The following STIM2 variants were observed in gnomAD, a reference collection of about 807,000 sequenced individuals.
STIM2 encodes the protein stromal interaction molecule 2.
A neutral mutation model predicts 85.8 loss-of-function variants in STIM2; 31 were observed. The ratio of observed to expected loss-of-function variants is 0.36; its 90% CI spans 0.27 to 0.49. The LOEUF is 0.49. Among genes scored for constraint, STIM2 ranks in the 20% least tolerant of loss-of-function variants. The pLI, the probability that STIM2 is intolerant of heterozygous loss-of-function variation, is 0.98. For missense variants in STIM2, 841 were observed against 927.6 expected, an observed-to-expected ratio of 0.91 and a Z score of 1.21; for synonymous variants, 356 against 331.1, an observed-to-expected ratio of 1.08 and a Z score of -0.82.
chr4:26,874,594 CAT>C (rs2109031378), intron 1 of STIM2, among the ~76,000 whole-genome samples: 1 of 152,212 alleles, frequency 6.6e-6, no homozygotes, highest in African/African-American at 2.4e-5. Context: ...TGGATAATTT[CAT>C]ATCTTTTCGA....
chr4:26,991,106 A>G (rs1048403765), intron 3 of STIM2, among the ~76,000 whole-genome samples: 2 of 152,108 alleles, frequency 1.3e-5, no homozygotes, highest in Non-Finnish European at 2.9e-5. Flanking sequence ...AAAGGAAATC[A>G]TTGTTCCAAA....
chr4:26,866,502 G>A lies in STIM2; in HGVS notation c.151+5133G>A, dbSNP rs868863310. On this transcript the variant is annotated intron_variant, in intron 1 of 11. Transcript: ENST00000467087. ...ATTTGAGCTGGACCTTGATGTATAG[G>A]TAGGACTTCTTGTGGAGATAAGTGA... Among the ~76,000 whole-genome samples the A allele has an allele frequency of 4.6e-5, 7 of 152,322 alleles. No homozygotes were observed. In the South Asian group the frequency reaches 1.5e-3, roughly 32 times the overall value.
chr4:26,986,643 C>G (rs981476676), intron 3 of STIM2, among the ~76,000 whole-genome samples: 1 of 152,234 alleles, frequency 6.6e-6, no homozygotes, highest in Non-Finnish European at 1.5e-5. Context: ...TCCGATACCA[C>G]TGTCGACCAC....
chr4:26,889,973 C>T (rs1723404428), intron 1 of STIM2, among the ~76,000 whole-genome samples: 1 of 152,196 alleles, frequency 6.6e-6, no homozygotes, highest in African/African-American at 2.4e-5. Context: ...CTGTGACCAT[C>T]TAGCTAAACA....
chr4:26,959,685 T>A (rs1204452943), intron 3 of STIM2, among the ~76,000 whole-genome samples: 1 of 152,110 alleles, frequency 6.6e-6, no homozygotes, highest in Non-Finnish European at 1.5e-5. Context: ...AGATCTTTTG[T>A]GATCTATGAG....
chr4:27,007,693 A>G lies in STIM2; in HGVS notation c.1142A>G (p.Lys381Arg). ...GCTGAAATGCAGCTAGCTATTGCTA[A>G]AGATGAGGTACTCTCTTGTATTTCA... Residue 381 changes from lysine to arginine, a missense_variant, in exon 8 of 12, where the codon AAA becomes AGA. Coordinates refer to ENST00000467087, the MANE Select transcript of STIM2 (RefSeq NM_020860.4). 6.4e-7 allele frequency: 1 copy of G among 1,568,676 alleles called. No individual in the cohort carries two copies.
At chr4:26,937,330 C>T (rs1483145221) in intron 2 of STIM2, among the ~76,000 whole-genome samples, 1 of 152,162 alleles carries the variant, frequency 6.6e-6, no homozygotes, top group Non-Finnish European at 1.5e-5. Flanking sequence ...TGAATTAGGA[C>T]AGGACAGTGT....
At chr4:26,885,925 A>C (rs1723230986) in intron 1 of STIM2, among the ~76,000 whole-genome samples, 1 of 144,896 alleles carries the variant, frequency 6.9e-6, no homozygotes, top group South Asian at 2.2e-4. Context: ...CTAATTACTG[A>C]GACATTCCAT....
chr4:26,895,609 A>G (rs1178792983), intron 1 of STIM2, among the ~76,000 whole-genome samples: 3 of 152,148 alleles, frequency 2.0e-5, no homozygotes, highest in African/African-American at 7.2e-5. Flanking sequence ...ATTTGTCCAT[A>G]ACCCAGTTTC....
intron 1 of STIM2, among the ~76,000 whole-genome samples, chr4:26,884,413 TAC>T (rs944308990): frequency 3.3e-5 from 5 of 152,230 alleles, no homozygotes; most frequent in African/African-American, 1.2e-4. Flanking sequence ...TTTAAAATCC[TAC>T]AGTTTCCTTC....
chr4:27,018,024 G>C (rs1728794007), intron 11 of STIM2, 40 bp downstream of exon 11: 2 of 1,605,556 alleles, frequency 1.2e-6, no homozygotes, highest in African/African-American at 1.3e-5. Flanking sequence ...GTTGGGGCTG[G>C]GTTGGGGGTA....
chr4:26,946,023 C>T (rs1725822834), intron 2 of STIM2, among the ~76,000 whole-genome samples: 1 of 151,890 alleles, frequency 6.6e-6, no homozygotes, highest in South Asian at 2.1e-4. Flanking sequence ...GTTGGACATG[C>T]AAAAATCATT....
chr4:26,919,760 C>CT lies in STIM2; in HGVS notation c.282+131dup. The CT allele has an allele frequency of 2.6e-6, 3 of 1,168,540 alleles. No individual in the cohort carries two copies. The South Asian group carries it at 4.9e-5, about 19-fold the overall frequency. The allele number at this position is 1,168,540 out of a possible 1,614,324, so 72.4% of individuals were successfully genotyped here. A position where few individuals can be genotyped will look rare whatever the true frequency, so the allele number is the denominator to read the frequency against. ...TTCATCTTCAACATCTTTAATTTTT[C>CT]TTTTTACATGTTAATTTTACCCTTA... On this transcript the variant is annotated intron_variant, in intron 2 of 11. Transcript: ENST00000467087.
intron 1 of STIM2, among the ~76,000 whole-genome samples, chr4:26,883,960 T>A (rs187774432): frequency 2.0e-5 from 3 of 152,380 alleles, no homozygotes; most frequent in African/African-American, 7.2e-5. Flanking sequence ...AACAGTAGTA[T>A]TATCAGATTG....
At chr4:26,908,275 C>G (rs1381064025) in intron 1 of STIM2, among the ~76,000 whole-genome samples, 1 of 152,066 alleles carries the variant, frequency 6.6e-6, no homozygotes, top group Non-Finnish European at 1.5e-5. Context: ...TTTTTCTTGA[C>G]AGGTTGTGAG....
At chr4:26,931,507 A>G (rs1294862562) in intron 2 of STIM2, among the ~76,000 whole-genome samples, 1 of 152,250 alleles carries the variant, frequency 6.6e-6, no homozygotes, top group Non-Finnish European at 1.5e-5. Context: ...AATGTCCCAC[A>G]ATAAAACCCA....
intron 11 of STIM2, among the ~76,000 whole-genome samples, chr4:27,020,194 C>G (rs1454821808): frequency 1.3e-5 from 2 of 152,162 alleles, no homozygotes; most frequent in Non-Finnish European, 2.9e-5. Context: ...ATACTTTTAG[C>G]CTAGCTTAGA....
intron 3 of STIM2, among the ~76,000 whole-genome samples, chr4:26,986,435 A>AT (rs1278317388): frequency 6.6e-6 from 1 of 152,188 alleles, no homozygotes; most frequent in Non-Finnish European, 1.5e-5. Flanking sequence ...GTAGTACTTC[A>AT]CTAGGCTGTT....
At chr4:26,904,665 A>G (rs1480092835) in intron 1 of STIM2, among the ~76,000 whole-genome samples, 2 of 152,176 alleles carry the variant, frequency 1.3e-5, no homozygotes, top group East Asian at 3.8e-4. Context: ...GGGAGGAGAA[A>G]AATTAGAGAC....
Sources: allele counts gnomAD v4.1 joint callset (sites outside exome capture counted in the v4.1 genomes callset), GRCh38; gene constraint gnomAD v4.1.1; transcripts MANE v1.5; gene names NCBI Gene and HGNC (gene_info 2026-07-23, HGNC 2026-07-21).